The following MAGI2 variants were observed in gnomAD, a reference collection of about 807,000 sequenced individuals.
MAGI2 encodes the protein membrane-associated guanylate kinase, WW and PDZ domain-containing protein 2.
MAGI2 carries 35 observed loss-of-function variants against 133.3 expected under a neutral mutation model. That is an observed-to-expected ratio of 0.26 (90% CI 0.20 to 0.35). MAGI2 has a LOEUF of 0.35. Ranked by LOEUF, MAGI2 falls within the 10% of genes least tolerant of loss-of-function variation. The pLI, the probability that MAGI2 is intolerant of heterozygous loss-of-function variation, is 1.00. For synonymous variants in MAGI2, 729 were observed against 710.6 expected (o/e 1.03, Z -0.41); for missense variants, 1,636 against 1,863.4 (o/e 0.88, Z 2.25).
intron 10 of MAGI2, among the ~76,000 whole-genome samples, chr7:78,232,162 AAT>A (rs910139375): frequency 1.3e-5 from 2 of 152,182 alleles, no homozygotes; most frequent in African/African-American, 2.4e-5. Flanking sequence ...TCATTAATTT[AAT>A]AGTCTTTTCT....
At chr7:78,221,932 C>T (rs1384601623) in intron 10 of MAGI2, among the ~76,000 whole-genome samples, 6 of 151,834 alleles carry the variant, frequency 4.0e-5, no homozygotes, top group African/African-American at 1.4e-4. Flanking sequence ...TGCTTATAGT[C>T]CTAGCTATTT....
chr7:78,827,259 G>A (rs141390375), intron 2 of MAGI2, among the ~76,000 whole-genome samples: 177 of 151,590 alleles, frequency 1.2e-3, no homozygotes, highest in African/African-American at 4.1e-3. Context: ...GACTCCTTAG[G>A]GAAATGTATT....
At chr7:79,184,912 A>G (rs1412975511) in intron 1 of MAGI2, among the ~76,000 whole-genome samples, 1 of 140,812 alleles carries the variant, frequency 7.1e-6, no homozygotes, top group African/African-American at 3.2e-5. Flanking sequence ...CTATAAAAAA[A>G]CAAAAAAACA....
At chr7:78,273,621 G>T (rs1562727526) in intron 9 of MAGI2, among the ~76,000 whole-genome samples, 2 of 152,000 alleles carry the variant, frequency 1.3e-5, no homozygotes, top group South Asian at 2.1e-4. Flanking sequence ...TTTCTTGGAG[G>T]CTTTGTTCAT....
Position 79,373,364 on chromosome 7 carries a change from C to T in MAGI2, c.301+79656G>A, listed in dbSNP as rs1843176491. On this transcript the variant is annotated intron_variant, in intron 1 of 21. Coordinates refer to ENST00000354212, the MANE Select transcript of MAGI2 (RefSeq NM_012301.4). Reference sequence around the variant, plus strand: ...AATGGATAAGGTGAAAGAAGAAACACAATAACCTGATTTTCTCTGTTTGAC... The same window carrying T: ...AATGGATAAGGTGAAAGAAGAAACATAATAACCTGATTTTCTCTGTTTGAC... Among the ~76,000 whole-genome samples, 25 of 152,040 alleles carry T rather than the reference C, an allele frequency of 1.6e-4. 1 individual carries two copies. The South Asian group carries it at 5.2e-3, about 31-fold the overall frequency.
At chr7:78,385,529 A>G (rs1302546223) in intron 6 of MAGI2, among the ~76,000 whole-genome samples, 1 of 152,196 alleles carries the variant, frequency 6.6e-6, no homozygotes, top group Non-Finnish European at 1.5e-5. Context: ...AATCTAAGGC[A>G]TCATTGCTGC....
intron 1 of MAGI2, among the ~76,000 whole-genome samples, chr7:79,042,219 C>T (rs943780617): frequency 1.3e-5 from 2 of 152,012 alleles, no homozygotes; most frequent in Admixed American, 6.6e-5. Flanking sequence ...AAATGAATGG[C>T]CATTAAGGAC....
intron 1 of MAGI2, among the ~76,000 whole-genome samples, chr7:79,191,293 C>A (rs1022980169): frequency 6.7e-6 from 1 of 149,450 alleles, no homozygotes; most frequent in Non-Finnish European, 1.5e-5. Flanking sequence ...ATGATTGGAT[C>A]TTCCTTCACA....
intron 9 of MAGI2, among the ~76,000 whole-genome samples, chr7:78,321,308 C>A (rs1456008362): frequency 6.6e-6 from 1 of 152,106 alleles, no homozygotes; most frequent in Non-Finnish European, 1.5e-5. Context: ...GCCCTCACAG[C>A]CAAGACAATC....
intron 2 of MAGI2, among the ~76,000 whole-genome samples, chr7:78,975,982 CT>C (rs747356745): frequency 1.1e-4 from 16 of 151,608 alleles, no homozygotes; most frequent in Non-Finnish European, 2.4e-4. Context: ...AAATAGCCAA[CT>C]TGAGTAGATC....
At chr7:78,523,006 A>G (rs531192944) in intron 3 of MAGI2, among the ~76,000 whole-genome samples, 1 of 152,264 alleles carries the variant, frequency 6.6e-6, no homozygotes, top group Admixed American at 6.5e-5. Flanking sequence ...GCATTATAAC[A>G]GGAAATAGGA....
At chr7:78,539,048 T>A (rs1798196785) in intron 3 of MAGI2, among the ~76,000 whole-genome samples, 1 of 152,214 alleles carries the variant, frequency 6.6e-6, no homozygotes, top group Non-Finnish European at 1.5e-5. Context: ...GGCTAGCCAG[T>A]ACTATGTTGA....
chr7:78,635,866 A>C (rs2150976031), intron 2 of MAGI2, among the ~76,000 whole-genome samples: 1 of 152,318 alleles, frequency 6.6e-6, no homozygotes, highest in East Asian at 1.9e-4. Flanking sequence ...TTTTTACACA[A>C]CCAGCCTAGG....
intron 4 of MAGI2, among the ~76,000 whole-genome samples, chr7:78,519,534 T>G (rs1246939492): frequency 6.6e-6 from 1 of 152,182 alleles, no homozygotes; most frequent in Non-Finnish European, 1.5e-5. Context: ...AATCCAGAGA[T>G]ATGGCTAGGG....
intron 2 of MAGI2, among the ~76,000 whole-genome samples, chr7:78,775,413 A>G (rs1583839984): frequency 6.6e-6 from 1 of 150,612 alleles, no homozygotes; most frequent in Non-Finnish European, 1.5e-5. Flanking sequence ...AGACAAATGG[A>G]GATATTTACA....
At chr7:78,524,790 T>G (rs775301188) in intron 3 of MAGI2, among the ~76,000 whole-genome samples, 2 of 152,176 alleles carry the variant, frequency 1.3e-5, no homozygotes, top group African/African-American at 2.4e-5. Flanking sequence ...TTGCTATGCT[T>G]TCTATGGAAT....
chr7:78,986,465 T>C (rs879514335), intron 2 of MAGI2, among the ~76,000 whole-genome samples: 2 of 152,054 alleles, frequency 1.3e-5, no homozygotes, highest in Non-Finnish European at 2.9e-5. Context: ...CTATTTGCTC[T>C]ATCTCTTGTC....
At chr7:78,676,809 T>C (rs1263513500) in intron 2 of MAGI2, among the ~76,000 whole-genome samples, 1 of 152,180 alleles carries the variant, frequency 6.6e-6, no homozygotes, top group African/African-American at 2.4e-5. Context: ...ATTTTAATTT[T>C]GTGTCTTTTC....
chr7:78,765,929 A>G (rs1338585544), intron 2 of MAGI2, among the ~76,000 whole-genome samples: 2 of 152,230 alleles, frequency 1.3e-5, no homozygotes, highest in East Asian at 3.9e-4. Flanking sequence ...GTTCCAGCAG[A>G]GGCACCAGCA....
Sources: allele counts gnomAD v4.1 joint callset (sites outside exome capture counted in the v4.1 genomes callset), GRCh38; gene constraint gnomAD v4.1.1; transcripts MANE v1.5; gene names NCBI Gene and HGNC (gene_info 2026-07-23, HGNC 2026-07-21).